GRM5: variants seen among roughly 807,000 people sequenced by gnomAD.
GRM5 encodes metabotropic glutamate receptor 5.
In GRM5, 19 loss-of-function variants were observed where a neutral mutation model predicts 83.1. The observed-to-expected ratio is 0.23, with a 90% confidence interval of 0.16 to 0.34. The LOEUF (loss-of-function observed/expected upper bound fraction) is 0.34. Ranked by LOEUF, GRM5 falls within the 10% of genes least tolerant of loss-of-function variation. The probability of loss-of-function intolerance (pLI) is 1.00; values close to 1 mark genes in which losing one functional copy is unlikely to be tolerated. For synonymous variants in GRM5, 675 were observed against 633.6 expected, an observed-to-expected ratio of 1.07 and a Z score of -0.98; for missense variants, 1,160 against 1,588.3, an observed-to-expected ratio of 0.73 and a Z score of 4.58.
intron 3 of GRM5, among the ~76,000 whole-genome samples, chr11:88,715,635 A>G (rs1471752146): frequency 6.6e-6 from 1 of 152,038 alleles, no homozygotes; most frequent in Non-Finnish European, 1.5e-5. Context: ...AGAAAACATA[A>G]TCACACAAAT....
At chr11:89,003,813 G>T (rs1940452493) in intron 2 of GRM5, among the ~76,000 whole-genome samples, 1 of 152,174 alleles carries the variant, frequency 6.6e-6, no homozygotes, top group Non-Finnish European at 1.5e-5. Context: ...AGTGTTTTGT[G>T]TTTGATCCAG....
chr11:89,001,953 C>A (rs951699520), intron 2 of GRM5, among the ~76,000 whole-genome samples: 4 of 151,952 alleles, frequency 2.6e-5, no homozygotes, highest in African/African-American at 4.8e-5. Flanking sequence ...CTAACTGAAG[C>A]GTAATTTTTA....
intron 2 of GRM5, among the ~76,000 whole-genome samples, chr11:88,926,763 C>T (rs1246216123): frequency 6.6e-6 from 1 of 152,066 alleles, no homozygotes; most frequent in Non-Finnish European, 1.5e-5. Context: ...TAAGATCCAC[C>T]AAAATGTTAA....
At chr11:88,881,312 C>T (rs1438285198) in intron 2 of GRM5, among the ~76,000 whole-genome samples, 1 of 150,548 alleles carries the variant, frequency 6.6e-6, no homozygotes, top group African/African-American at 2.4e-5. Flanking sequence ...CATGCTCAAC[C>T]ATAATAGGCC....
At chr11:88,983,140 G>T (rs1447909102) in intron 2 of GRM5, among the ~76,000 whole-genome samples, 1 of 152,140 alleles carries the variant, frequency 6.6e-6, no homozygotes, top group South Asian at 2.1e-4. Context: ...CTTTGGTCAG[G>T]TATTCAAATT....
chr11:89,037,383 C>T (rs894533910), intron 2 of GRM5, among the ~76,000 whole-genome samples: 4 of 151,980 alleles, frequency 2.6e-5, no homozygotes, highest in East Asian at 3.9e-4. Flanking sequence ...TATCCTGATG[C>T]GTATACCATT....
At chr11:89,027,470 C>T (rs1279873224) in intron 2 of GRM5, among the ~76,000 whole-genome samples, 3 of 152,156 alleles carry the variant, frequency 2.0e-5, no homozygotes. Context: ...AAACAGGCTA[C>T]TGAAACAAGG....
intron 2 of GRM5, among the ~76,000 whole-genome samples, chr11:88,956,580 GCAGATCACGAGGT>G (rs1565308897): frequency 6.6e-6 from 1 of 152,086 alleles, no homozygotes; most frequent in East Asian, 1.9e-4. Flanking sequence ...GCCGAGGCGG[GCAGATCACGAGGT>G]CAGGAAATCG....
At chr11:88,983,618 C>T (rs1288315864) in intron 2 of GRM5, among the ~76,000 whole-genome samples, 1 of 152,106 alleles carries the variant, frequency 6.6e-6, no homozygotes, top group Non-Finnish European at 1.5e-5. Flanking sequence ...CAGTACCTAA[C>T]ACTCATTAAT....
At chr11:88,853,425 T>C (rs1944420921) in intron 2 of GRM5, among the ~76,000 whole-genome samples, 2 of 151,958 alleles carry the variant, frequency 1.3e-5, no homozygotes, top group Non-Finnish European at 2.9e-5. Flanking sequence ...AGTCAAGATA[T>C]ACAGAAAATA....
chr11:88,885,450 G>GGTTT lies in GRM5; in HGVS notation c.662-35296_662-35295insAAAC, dbSNP rs1945027301. 1.3e-3 allele frequency among the ~76,000 whole-genome samples: 84 copies of GGTTT among 62,662 alleles called. 28 individuals are homozygous for GGTTT. Among genetic ancestry groups the GGTTT allele is most frequent in the African/African-American group, 4.8e-3 (81 of 16,890 alleles). 41.1% of individuals were successfully genotyped at this position (62,662 alleles called of 152,430 possible). Reference sequence around the variant, plus strand: ...TTCTGAATTCTATAGTAGGTACCATGTTTTTTTTTTTTTTTTTTTTTTTTT... The same window carrying GGTTT: ...TTCTGAATTCTATAGTAGGTACCATGGTTTTTTTTTTTTTTTTTTTTTTTTTTTT... On this transcript the variant is annotated intron_variant, in intron 2 of 9. Coordinates refer to ENST00000305447, the MANE Select transcript of GRM5 (RefSeq NM_001143831.3).
chr11:88,669,305 T>C (rs1940132559), intron 3 of GRM5, among the ~76,000 whole-genome samples: 1 of 152,150 alleles, frequency 6.6e-6, no homozygotes, highest in South Asian at 2.1e-4. Context: ...AAAATGACCT[T>C]GGCAACCTAG....
intron 3 of GRM5, among the ~76,000 whole-genome samples, 168 bp from the exon 4 acceptor site, chr11:88,653,571 A>C: frequency 6.6e-6 from 1 of 152,172 alleles, no homozygotes; most frequent in Middle Eastern, 3.4e-3. Flanking sequence ...TTAGAATAAA[A>C]AGTGCAATAA....
intron 3 of GRM5, among the ~76,000 whole-genome samples, chr11:88,666,675 T>C (rs532719321): frequency 2.0e-5 from 3 of 152,350 alleles, no homozygotes; most frequent in East Asian, 3.9e-4. Flanking sequence ...GGCTATATTT[T>C]AGTTGTAAAG....
chr11:88,517,204 T>C (rs896351737), intron 9 of GRM5, among the ~76,000 whole-genome samples: 3 of 151,892 alleles, frequency 2.0e-5, no homozygotes, highest in African/African-American at 4.8e-5. Context: ...TCTTTAAAAA[T>C]ATCTGTGCAT....
In GRM5 at chr11:88,508,632, A is replaced by G. The variant is rs142032384; in HGVS notation, c.3599T>C (p.Leu1200Pro). 7.2e-4 allele frequency: 1,152 copies of G among 1,610,268 alleles called. 1 individual carries two copies. Among genetic ancestry groups the G allele is most frequent in the Non-Finnish European group, 7.8e-4 (920 of 1,178,396 alleles). Residue 1200 changes from leucine to proline, a missense_variant, in exon 10 of 10, where the codon CTT (leucine) becomes CCT (proline). By Grantham distance (98) the Leu-to-Pro change is moderately conservative (BLOSUM62 -3). This residue lies in a region of GRM5 where 562 missense variants were observed against 532.4 expected (regional missense o/e 1.06). Coordinates refer to ENST00000305447, the MANE Select transcript of GRM5 (RefSeq NM_001143831.3). This position sits in a 1 kb window ranked among gnomAD's most constrained non-coding sequence, Gnocchi z 4.2. ...GCTCTGAGTGTAATCTCTTATGATA[A>G]GAGTGTCATATTTGGGAGACGACGG... ...CIPSSPKYDTLIIRDYTQSSS... is the reference protein window; with the variant it reads ...CIPSSPKYDTPIIRDYTQSSS...
At chr11:88,605,265 C>G (rs910323784) in intron 4 of GRM5, among the ~76,000 whole-genome samples, 3 of 151,842 alleles carry the variant, frequency 2.0e-5, no homozygotes, top group Admixed American at 2.0e-4. Flanking sequence ...ATTTCTGTAC[C>G]ATAAAATGTA....
At chr11:88,641,767 G>A (rs1340779657) in intron 4 of GRM5, among the ~76,000 whole-genome samples, 1 of 152,180 alleles carries the variant, frequency 6.6e-6, no homozygotes, top group Non-Finnish European at 1.5e-5. Context: ...TGGGTGCAAG[G>A]GGTGGGCTCC....
rs116377058 is a variant in GRM5 at position 88,580,632 on chromosome 11, C to T, written c.1690+9969G>A. 7.5e-3 allele frequency among the ~76,000 whole-genome samples: 1,136 copies of T among 152,216 alleles called. 11 individuals are homozygous for T. The highest frequency in any genetic ancestry group is 0.026 in the African/African-American group (1,087 of 41,536). ...TGCTGTGTAGTATTGTCACGGCTTA[C>T]GGCTTTCTGGGATTTCCAAGTCACC... On this transcript the variant is annotated intron_variant, in intron 7 of 9. Coordinates refer to ENST00000305447, the MANE Select transcript of GRM5 (RefSeq NM_001143831.3).
Sources: gnomAD v4.1 joint callset for allele counts (sites outside exome capture counted in the v4.1 genomes callset) on GRCh38, gnomAD v4.1.1 for gene constraint, gnomAD v4.1.1 regional missense constraint, Gnocchi (gnomAD v3.1) non-coding constraint, MANE v1.5 for transcripts, NCBI Gene and HGNC (gene_info 2026-07-23, HGNC 2026-07-21) for gene names.